The following PDGFD variants were observed in gnomAD, a reference collection of about 807,000 sequenced individuals.
PDGFD encodes platelet-derived growth factor D.
In PDGFD, 30 loss-of-function variants were observed where a neutral mutation model predicts 44.7. The ratio of observed to expected loss-of-function variants is 0.67; its 90% CI spans 0.50 to 0.91. The LOEUF (loss-of-function observed/expected upper bound fraction) is 0.91, where lower values mean the gene tolerates loss of function less well. Ranked by LOEUF, PDGFD falls within the 40% of genes least tolerant of loss-of-function variation. The pLI is 0.00. For missense variants in PDGFD, 445 were observed against 457.8 expected, an observed-to-expected ratio of 0.97 and a Z score of 0.25; for synonymous variants, 173 against 168.4, an observed-to-expected ratio of 1.03 and a Z score of -0.21.
intron 1 of PDGFD, among the ~76,000 whole-genome samples, chr11:104,095,815 A>G (rs746703529): frequency 1.4e-4 from 21 of 152,184 alleles, no homozygotes; most frequent in Admixed American, 9.2e-4. Context: ...AGAAGGATGC[A>G]TCCTACAAAC....
At chr11:104,099,143 C>T (rs1453221888) in intron 1 of PDGFD, among the ~76,000 whole-genome samples, 1 of 152,108 alleles carries the variant, frequency 6.6e-6, no homozygotes, top group Non-Finnish European at 1.5e-5. Context: ...TTAATTTGAG[C>T]AATCACTACC....
intron 1 of PDGFD, among the ~76,000 whole-genome samples, chr11:104,059,552 A>C (rs370487495): frequency 1.3e-5 from 2 of 152,326 alleles, no homozygotes; most frequent in East Asian, 3.9e-4. Context: ...AGTTAATTCA[A>C]ATCCAACTCT....
rs115977926 is a variant in PDGFD at position 104,014,433 on chromosome 11, C to T, written c.125-14178G>A. Among the ~76,000 whole-genome samples, 948 of 152,216 alleles carry T rather than the reference C, an allele frequency of 6.2e-3. 15 individuals carry two copies. Among genetic ancestry groups the T allele is most frequent in the African/African-American group, 0.021 (891 of 41,542 alleles). On this transcript the variant is annotated intron_variant, in intron 1 of 6. Coordinates refer to ENST00000393158, the MANE Select transcript of PDGFD (RefSeq NM_025208.5). ...ACTGCTTAAGCTCAGGAGTTTGAGG[C>T]TATAGTGAGCTATGACTACACCACT...
At chr11:103,937,532 TTC>T (rs1472245197) in intron 5 of PDGFD, among the ~76,000 whole-genome samples, 2 of 152,130 alleles carry the variant, frequency 1.3e-5, no homozygotes, top group African/African-American at 4.8e-5. Flanking sequence ...TATATGTTTT[TTC>T]TGTTTTGTTT....
chr11:104,160,882 C>T (rs1048591379), intron 1 of PDGFD, among the ~76,000 whole-genome samples: 3 of 152,122 alleles, frequency 2.0e-5, no homozygotes, highest in African/African-American at 7.2e-5. Context: ...GACTATCATT[C>T]GACAACCCTA....
At chr11:103,941,156 T>A (rs1352112108) in intron 5 of PDGFD, among the ~76,000 whole-genome samples, 1 of 151,992 alleles carries the variant, frequency 6.6e-6, no homozygotes, top group South Asian at 2.1e-4. Context: ...ATAAATAATA[T>A]CAATATATAT....
At position 104,037,406 on chromosome 11, in the gene PDGFD, A is replaced by C. The variant is rs200629622; in HGVS notation, c.125-37151T>G. 14 of 1,614,120 alleles carry C rather than the reference A, an allele frequency of 8.7e-6. No homozygotes were observed. The East Asian group carries it at 2.9e-4, about 33-fold the overall frequency. ...CAAAGGGAAAAGGCCTTGAGAGAGCAAGAGAGGCTTCGTCTCTACACAGCC... is the reference window on the plus strand; with the variant it reads ...CAAAGGGAAAAGGCCTTGAGAGAGCCAGAGAGGCTTCGTCTCTACACAGCC... On this transcript the variant is annotated intron_variant, in intron 1 of 6. Coordinates refer to ENST00000393158, the MANE Select transcript of PDGFD (RefSeq NM_025208.5).
In PDGFD at chr11:103,977,890, T is replaced by C. The variant is rs553233007; in HGVS notation, c.510+18175A>G. Among the ~76,000 whole-genome samples, 16 of 152,176 alleles carry C rather than the reference T, an allele frequency of 1.1e-4. No homozygotes were observed. In the East Asian group the frequency reaches 1.4e-3, roughly 13 times the overall value. On this transcript the variant is annotated intron_variant, in intron 3 of 6. Transcript: ENST00000393158. ...AAATGATAAGATGAGGTTGTTGTCA[T>C]ACAAACTGAAATGTGGTGAGGAACC... is the stretch of plus-strand genomic sequence containing the variant.
intron 3 of PDGFD, among the ~76,000 whole-genome samples, chr11:103,977,419 T>A (rs1288800360): frequency 6.6e-6 from 1 of 152,122 alleles, no homozygotes; most frequent in African/African-American, 2.4e-5. Context: ...ATATCCCTGA[T>A]GAACATCGAT....
chr11:103,993,625 T>C (rs912873044), intron 3 of PDGFD, among the ~76,000 whole-genome samples: 1 of 152,100 alleles, frequency 6.6e-6, no homozygotes, highest in African/African-American at 2.4e-5. Context: ...AAGTAAAATT[T>C]AAACATGAAT....
chr11:103,987,068 C>A (rs114150316), intron 3 of PDGFD, among the ~76,000 whole-genome samples: 1,430 of 48,298 alleles, frequency 0.03, 26 homozygotes, highest in African/African-American at 0.07. Flanking sequence ...CTTTCCAACC[C>A]CCCCCCACCC....
At chr11:104,072,925 C>G (rs116452252) in intron 1 of PDGFD, among the ~76,000 whole-genome samples, 174 of 152,114 alleles carry the variant, frequency 1.1e-3, no homozygotes, top group African/African-American at 4.0e-3. Flanking sequence ...ATTTTGCCCA[C>G]AAGCTGGATA....
Position 103,996,121 on chromosome 11 carries a change from T to C in PDGFD, c.454A>G (p.Lys152Glu). ...SRTNQIKITF[K>E]SDDYFVAKPG... is the part of the protein sequence containing the mutation. ...TTAGCCACAAAGTAGTCATCGGACT[T>C]GAATGTGATTTTAATTTGGTTCGTT... The change falls in exon 3 of 7, where the codon AAG becomes GAG. Residue 152 changes from lysine (K) to glutamate (E), a missense_variant. Coordinates refer to ENST00000393158, the MANE Select transcript of PDGFD (RefSeq NM_025208.5). 2 of 1,613,796 alleles carry C rather than the reference T, an allele frequency of 1.2e-6. No individual in the cohort carries two copies. Among genetic ancestry groups the C allele is most frequent in the South Asian group, 2.2e-5 (2 of 91,072 alleles).
intron 3 of PDGFD, among the ~76,000 whole-genome samples, chr11:103,973,554 C>A (rs1565299563): frequency 6.6e-6 from 1 of 152,062 alleles, no homozygotes; most frequent in Non-Finnish European, 1.5e-5. Flanking sequence ...AGCCTTTGTG[C>A]TAGGATACGT....
At chr11:104,066,786 A>T (rs1173515097) in intron 1 of PDGFD, among the ~76,000 whole-genome samples, 1 of 152,162 alleles carries the variant, frequency 6.6e-6, no homozygotes, top group Non-Finnish European at 1.5e-5. Context: ...TGGCACTGGC[A>T]TAGTTCATAC....
intron 5 of PDGFD, among the ~76,000 whole-genome samples, chr11:103,937,631 C>A (rs1206327523): frequency 6.6e-6 from 1 of 151,560 alleles, no homozygotes; most frequent in Non-Finnish European, 1.5e-5. Context: ...TATACATGTG[C>A]CATGTTGGTG....
intron 1 of PDGFD, among the ~76,000 whole-genome samples, chr11:104,001,150 G>A (rs115557184): frequency 6.6e-4 from 100 of 152,280 alleles, no homozygotes; most frequent in African/African-American, 2.2e-3. Flanking sequence ...GATGAAAGAC[G>A]GATTGAAGAT....
At chr11:104,070,175 C>T (rs1942093193) in intron 1 of PDGFD, among the ~76,000 whole-genome samples, 1 of 152,156 alleles carries the variant, frequency 6.6e-6, no homozygotes, top group South Asian at 2.1e-4. Context: ...GCAATTTCTC[C>T]AAGAAGCTTT....
chr11:104,100,449 C>A (rs929013415), intron 1 of PDGFD, among the ~76,000 whole-genome samples: 30 of 152,234 alleles, frequency 2.0e-4, no homozygotes, highest in Non-Finnish European at 3.2e-4. Flanking sequence ...CAATAACAGG[C>A]TCTGAAATTG....
Sources: gnomAD v4.1 joint callset for allele counts (sites outside exome capture counted in the v4.1 genomes callset) on GRCh38, gnomAD v4.1.1 for gene constraint, MANE v1.5 for transcripts, NCBI Gene and HGNC (gene_info 2026-07-23, HGNC 2026-07-21) for gene names.